PIP4K2A: variants seen among roughly 807,000 people sequenced by gnomAD.
The protein encoded by PIP4K2A is phosphatidylinositol 5-phosphate 4-kinase type-2 alpha.
Under a neutral mutation model 42.9 loss-of-function variants are expected in PIP4K2A, and 14 were observed. The observed-to-expected ratio is 0.33, with a 90% CI of 0.22 to 0.51. The LOEUF is 0.51. Among genes scored for constraint, PIP4K2A ranks in the 20% least tolerant of loss-of-function variants. The pLI is 0.97. For synonymous variants in PIP4K2A, 192 were observed against 192.2 expected (o/e 1.00, Z 0.01); for missense variants, 434 against 519.8 (o/e 0.83, Z 1.61).
intron 1 of PIP4K2A, among the ~76,000 whole-genome samples, chr10:22,641,385 AT>A (rs1288550124): frequency 6.6e-6 from 1 of 152,132 alleles, no homozygotes. Context: ...ATAAGAGTGA[AT>A]TTTTGTTCTG....
chr10:22,553,644 T>C (rs577399689), intron 6 of PIP4K2A, among the ~76,000 whole-genome samples: 4 of 152,112 alleles, frequency 2.6e-5, no homozygotes, highest in East Asian at 1.9e-4. Flanking sequence ...TAAGGTAGAG[T>C]TGTGCTGGGA....
At chr10:22,551,431 C>T (rs1836408448) in intron 6 of PIP4K2A, among the ~76,000 whole-genome samples, 1 of 152,180 alleles carries the variant, frequency 6.6e-6, no homozygotes, top group Non-Finnish European at 1.5e-5. Context: ...CTACCTTTTA[C>T]AAATGAACGA....
At chr10:22,563,708 AC>A (rs901683516) in intron 6 of PIP4K2A, among the ~76,000 whole-genome samples, 5 of 152,158 alleles carry the variant, frequency 3.3e-5, no homozygotes, top group Non-Finnish European at 7.3e-5. Flanking sequence ...CCAGGCTCAA[AC>A]CCTGGCGCTG....
chr10:22,605,836 A>C (rs535946612), intron 3 of PIP4K2A, among the ~76,000 whole-genome samples: 1 of 95,020 alleles, frequency 1.1e-5, no homozygotes, highest in East Asian at 5.8e-4. Context: ...TCTGCTGTTA[A>C]TTCCTTTAAA....
chr10:22,647,380 C>T (rs1838907153), intron 1 of PIP4K2A, among the ~76,000 whole-genome samples: 1 of 151,958 alleles, frequency 6.6e-6, no homozygotes, highest in Admixed American at 6.6e-5. Context: ...TGTCTTAAAG[C>T]AAATATGTTA....
At chr10:22,578,809 C>T (rs1400059987) in intron 4 of PIP4K2A, among the ~76,000 whole-genome samples, 1 of 152,182 alleles carries the variant, frequency 6.6e-6, no homozygotes, top group Non-Finnish European at 1.5e-5. Flanking sequence ...CTTAGCAGGA[C>T]CTCATGTGTA....
chr10:22,670,158 C>T (rs1010184531), intron 1 of PIP4K2A, among the ~76,000 whole-genome samples: 2 of 152,278 alleles, frequency 1.3e-5, no homozygotes, highest in South Asian at 4.2e-4. Flanking sequence ...GCAGGAGGGT[C>T]ACTTGAGCCC....
intron 3 of PIP4K2A, among the ~76,000 whole-genome samples, chr10:22,603,197 A>C (rs1353503359): frequency 6.6e-6 from 1 of 152,210 alleles, no homozygotes; most frequent in African/African-American, 2.4e-5. Context: ...GATGTCAATA[A>C]TGAGGGATTC....
chr10:22,666,970 C>G (rs192574875), intron 1 of PIP4K2A, among the ~76,000 whole-genome samples: 1 of 152,284 alleles, frequency 6.6e-6, no homozygotes, highest in Non-Finnish European at 1.5e-5. Context: ...TATTCACTAC[C>G]TGCTTAATAA....
intron 1 of PIP4K2A, among the ~76,000 whole-genome samples, chr10:22,627,588 T>TAAAAAAAAAAAAAAAAAAAAAAAAA (rs1564448260): frequency 5.1e-5 from 2 of 38,922 alleles, no homozygotes; most frequent in African/African-American, 7.3e-5. Context: ...AGCTAATATG[T>TAAAAAAAAAAAAAAAAAAAAAAAAA]AATAAAAAAA....
At position 22,536,767 on chromosome 10, in the gene PIP4K2A, A is replaced by G. The variant is rs1937036658; in HGVS notation, c.*434T>C. The G allele has an allele frequency of 7.0e-6, 1 of 142,458 alleles. No homozygotes were observed. The allele number at this position is 142,458 out of a possible 1,614,324, so 8.8% of individuals were successfully genotyped here. Reference sequence around the variant, plus strand: ...ATCCACAGTTTGTTGTGTGATGCCAACACGGTGCCTGACATCATGCACTTC... The same window carrying G: ...ATCCACAGTTTGTTGTGTGATGCCAGCACGGTGCCTGACATCATGCACTTC... On this transcript the variant is annotated 3_prime_UTR_variant, in exon 10 of 10. Coordinates refer to ENST00000376573, the MANE Select transcript of PIP4K2A (RefSeq NM_005028.5).
At chr10:22,615,640 G>T (rs565672263) in intron 1 of PIP4K2A, among the ~76,000 whole-genome samples, 174 of 152,202 alleles carry the variant, frequency 1.1e-3, no homozygotes, top group Non-Finnish European at 2.2e-3. Context: ...AATTTTCTTA[G>T]GTTAGCTGAA....
intron 6 of PIP4K2A, among the ~76,000 whole-genome samples, chr10:22,560,879 G>A (rs918293531): frequency 3.9e-5 from 6 of 152,194 alleles, no homozygotes; most frequent in Admixed American, 3.9e-4. Flanking sequence ...AAAGAGTCAG[G>A]TCAAATCCCC....
intron 1 of PIP4K2A, among the ~76,000 whole-genome samples, chr10:22,652,345 T>TC (rs1839013525): frequency 6.6e-6 from 1 of 152,078 alleles, no homozygotes; most frequent in Admixed American, 6.5e-5. Context: ...GGTATTGAAC[T>TC]CCTGACCTCA....
chr10:22,712,502 TGTAA>T (rs982898616), intron 1 of PIP4K2A, among the ~76,000 whole-genome samples: 20 of 152,146 alleles, frequency 1.3e-4, no homozygotes, highest in African/African-American at 4.6e-4. Flanking sequence ...TTTTTTAAAT[TGTAA>T]GTTTCTATTC....
At chr10:22,633,588 G>A (rs1211969935) in intron 1 of PIP4K2A, among the ~76,000 whole-genome samples, 1 of 152,158 alleles carries the variant, frequency 6.6e-6, no homozygotes, top group Non-Finnish European at 1.5e-5. Flanking sequence ...GGTACAGGCA[G>A]GGGAGGGGAC....
At chr10:22,651,412 C>T (rs2130812594) in intron 1 of PIP4K2A, among the ~76,000 whole-genome samples, 1 of 152,308 alleles carries the variant, frequency 6.6e-6, no homozygotes, top group Non-Finnish European at 1.5e-5. Context: ...AACTCTATGC[C>T]CTGTGGCCTT....
At chr10:22,639,887 G>A (rs893173428) in intron 1 of PIP4K2A, among the ~76,000 whole-genome samples, 3 of 152,102 alleles carry the variant, frequency 2.0e-5, no homozygotes, top group Non-Finnish European at 2.9e-5. Context: ...CGAAGAACAC[G>A]TGAAGGAAAT....
chr10:22,565,719 C>G (rs1411794771), intron 6 of PIP4K2A, among the ~76,000 whole-genome samples: 1 of 152,186 alleles, frequency 6.6e-6, no homozygotes, highest in African/African-American at 2.4e-5. Flanking sequence ...CCGGGCGGAA[C>G]AGAGCCATAT....
Sources: gnomAD v4.1 joint callset for allele counts (sites outside exome capture counted in the v4.1 genomes callset) on GRCh38, gnomAD v4.1.1 for gene constraint, MANE v1.5 for transcripts, NCBI Gene and HGNC (gene_info 2026-07-23, HGNC 2026-07-21) for gene names.